The following PPFIBP1 variants were observed in gnomAD, a reference collection of about 807,000 sequenced individuals.
PPFIBP1 encodes the protein liprin-beta-1.
In PPFIBP1, 112 loss-of-function variants were observed where a neutral mutation model predicts 137.8. The observed-to-expected ratio is 0.81, with a 90% CI of 0.70 to 0.95. The LOEUF is 0.95. Ranked by LOEUF, PPFIBP1 falls within the 40% of genes least tolerant of loss-of-function variation. PPFIBP1 has a pLI of 0.00. For missense variants in PPFIBP1, 1,083 were observed against 1,196.6 expected (o/e 0.91, Z 1.40); for synonymous variants, 378 against 417.3 (o/e 0.91, Z 1.15).
chr12:27,689,314 T>C (rs1223744068), intron 27 of PPFIBP1, 111 bp downstream of exon 27: 19 of 985,028 alleles, frequency 1.9e-5, no homozygotes, highest in Non-Finnish European at 2.6e-5. Context: ...GGTGGGTTCC[T>C]TACCAGCAGA....
intron 13 of PPFIBP1, among the ~76,000 whole-genome samples, chr12:27,670,057 T>C (rs2060089111): frequency 6.6e-6 from 1 of 152,140 alleles, no homozygotes; most frequent in Non-Finnish European, 1.5e-5. Flanking sequence ...TCAGGCAGCT[T>C]TCAGAGGTGA....
rs570512556 is a variant in PPFIBP1 at position 27,674,367 on chromosome 12, G to A, written c.1410+146G>A. On this transcript the variant is annotated intron_variant, in intron 17 of 29. Transcript: ENST00000228425. The stretch of plus-strand genomic sequence containing the variant: ...CAGACACAAAGTTCACATATTATAT[G>A]ATTCCGTTTATGTGAAACATCCAGA... The A allele has an allele frequency of 8.8e-5, 50 of 565,060 alleles. No individual in the cohort carries two copies. In the South Asian group the frequency reaches 1.5e-3, roughly 17 times the overall value. 35.0% of individuals were successfully genotyped at this position (565,060 alleles called of 1,614,324 possible).
intron 1 of PPFIBP1, among the ~76,000 whole-genome samples, chr12:27,528,464 A>G (rs1453996190): frequency 1.3e-5 from 2 of 152,226 alleles, no homozygotes; most frequent in Non-Finnish European, 2.9e-5. Context: ...AGTAAAAAAC[A>G]AAACAAAACC....
intron 2 of PPFIBP1, among the ~76,000 whole-genome samples, chr12:27,616,704 ACT>A (rs2055802407): frequency 6.6e-6 from 1 of 152,232 alleles, no homozygotes; most frequent in South Asian, 2.1e-4. Context: ...AAGGGCGGAG[ACT>A]CTTCCTGTGA....
chr12:27,630,328 G>A lies in PPFIBP1; in HGVS notation c.-35-3034G>A, dbSNP rs150735472. Among the ~76,000 whole-genome samples, 67 of 152,024 alleles carry A rather than the reference G, an allele frequency of 4.4e-4. 1 individual carries two copies. The highest frequency in any genetic ancestry group is 6.0e-4 in the Non-Finnish European group (41 of 67,936). The stretch of plus-strand genomic sequence containing the variant: ...GTATTTGGAAGCTTTGTTATTAGTT[G>A]CAAAAACATTTGTGCTTGTTATGAC... On this transcript the variant is annotated intron_variant, in intron 2 of 29. Transcript: ENST00000228425.
At chr12:27,627,994 G>C (rs372993435) in intron 2 of PPFIBP1, among the ~76,000 whole-genome samples, 91 of 152,004 alleles carry the variant, frequency 6.0e-4, no homozygotes, top group African/African-American at 2.2e-3. Flanking sequence ...CAAATAAGAG[G>C]CTTCTCCAGT....
intron 1 of PPFIBP1, among the ~76,000 whole-genome samples, chr12:27,563,975 C>T (rs544678275): frequency 6.6e-6 from 1 of 151,576 alleles, no homozygotes; most frequent in East Asian, 1.9e-4. Flanking sequence ...TGTGTTCAAG[C>T]GATTCTCCTG....
intron 2 of PPFIBP1, among the ~76,000 whole-genome samples, chr12:27,630,012 A>C (rs2057148617): frequency 6.6e-6 from 1 of 152,082 alleles, no homozygotes; most frequent in Non-Finnish European, 1.5e-5. Flanking sequence ...TATATTCTGC[A>C]TTTGTGTGTT....
chr12:27,654,598 C>A lies in PPFIBP1; in HGVS notation c.604-124C>A, dbSNP rs1252570519. On this transcript the variant is annotated intron_variant, in intron 7 of 29. Transcript: ENST00000228425. ...GTACATTTATTTCCATTTGTCTCAT[C>A]TGATTCATACAACTTTAACCCTAGG... The A allele has an allele frequency of 9.7e-6, 12 of 1,232,796 alleles. No homozygotes were observed. The East Asian group carries it at 3.3e-4, about 33-fold the overall frequency. 76.4% of individuals were successfully genotyped at this position (1,232,796 alleles called of 1,614,324 possible). A position where few individuals can be genotyped will look rare whatever the true frequency, so the allele number is the denominator to read the frequency against.
At chr12:27,653,879 T>A (rs1165217369) in intron 7 of PPFIBP1, among the ~76,000 whole-genome samples, 1 of 152,168 alleles carries the variant, frequency 6.6e-6, no homozygotes, top group Non-Finnish European at 1.5e-5. Context: ...TGGTTTCTCT[T>A]TCATTTTCTA....
intron 1 of PPFIBP1, among the ~76,000 whole-genome samples, chr12:27,558,795 C>G (rs1485795289): frequency 6.6e-6 from 1 of 152,164 alleles, no homozygotes; most frequent in Non-Finnish European, 1.5e-5. Context: ...TTAAACTTAC[C>G]TAACCTAAAC....
intron 13 of PPFIBP1, 93 bp from the exon 14 acceptor site, chr12:27,671,338 T>C: frequency 3.0e-6 from 2 of 677,202 alleles, no homozygotes; most frequent in Non-Finnish European, 2.5e-6. Flanking sequence ...ATTTTGTCAA[T>C]AGACCGTTTA....
In PPFIBP1 at chr12:27,671,592, A is replaced by G. The variant is rs201833111; in HGVS notation, c.1262+46A>G. 5.0e-5 allele frequency: 63 copies of G among 1,256,354 alleles called. No individual in the cohort carries two copies. The African/African-American group carries it at 9.4e-4, about 19-fold the overall frequency. The allele number at this position is 1,256,354 out of a possible 1,614,324, so 77.8% of individuals were successfully genotyped here. A position where few individuals can be genotyped will look rare whatever the true frequency, so the allele number is the denominator to read the frequency against. ...GCAATATAAATGTTCAAAAAAGTAG[A>G]TCAGCCAAAGACAAGGATGTATTGC... On this transcript the variant is annotated intron_variant, in intron 14 of 29. Coordinates refer to ENST00000228425, the MANE Select transcript of PPFIBP1 (RefSeq NM_003622.4).
chr12:27,569,578 C>T (rs530147520), intron 1 of PPFIBP1, among the ~76,000 whole-genome samples: 9 of 152,238 alleles, frequency 5.9e-5, no homozygotes, highest in East Asian at 5.8e-4. Context: ...GTTTTTGAGA[C>T]GGAGTCTTGC....
chr12:27,661,541 A>C (rs1593211118), intron 11 of PPFIBP1, among the ~76,000 whole-genome samples: 2 of 152,202 alleles, frequency 1.3e-5, no homozygotes, highest in East Asian at 3.8e-4. Flanking sequence ...GCAGGGATGC[A>C]GTTACTGCAC....
chr12:27,644,244 G>GTTTTTTTTTTTTTTTTTTTTTT (rs3842650), intron 4 of PPFIBP1, among the ~76,000 whole-genome samples: 94 of 117,738 alleles, frequency 8.0e-4, no homozygotes, highest in African/African-American at 1.7e-3. Flanking sequence ...GCTTGGCTAA[G>GTTTTTTTTTTTTTTTTTTTTTT]TTTTTTTTTT....
At chr12:27,611,065 C>G (rs1207995033) in intron 2 of PPFIBP1, among the ~76,000 whole-genome samples, 1 of 152,142 alleles carries the variant, frequency 6.6e-6, no homozygotes, top group Non-Finnish European at 1.5e-5. Flanking sequence ...AATCTGGGAG[C>G]AAGTAATCAC....
At position 27,647,712 on chromosome 12, in the gene PPFIBP1, T is replaced by C. The variant is rs1331264202; in HGVS notation, c.358-17T>C. ...AAATTCTTTTTCACTCATTGCATTA[T>C]TTTGCTCTAAATACAGGTAAGTGTG... On this transcript the variant is annotated splice_polypyrimidine_tract_variant and intron_variant, in intron 5 of 29. Transcript: ENST00000228425. 6.5e-7 allele frequency: 1 copy of C among 1,536,896 alleles called. No homozygotes were observed. The highest frequency in any genetic ancestry group is 8.8e-7 in the Non-Finnish European group (1 of 1,136,214).
intron 2 of PPFIBP1, among the ~76,000 whole-genome samples, chr12:27,591,137 A>G (rs1190888985): frequency 6.6e-6 from 1 of 150,992 alleles, no homozygotes; most frequent in Non-Finnish European, 1.5e-5. Flanking sequence ...TGACACTCCT[A>G]TTTGCTAAAT....
Sources: allele counts gnomAD v4.1 joint callset (sites outside exome capture counted in the v4.1 genomes callset), GRCh38; gene constraint gnomAD v4.1.1; transcripts MANE v1.5; gene names NCBI Gene and HGNC (gene_info 2026-07-23, HGNC 2026-07-21).